Variants in CACNA1S observed in about 807,000 individuals in gnomAD.
The protein encoded by CACNA1S is calcium voltage-gated channel subunit alpha1 S, also known as voltage-dependent L-type calcium channel subunit alpha-1S.
A neutral mutation model predicts 207.4 loss-of-function variants in CACNA1S; 126 were observed. The observed-to-expected ratio is 0.61, with a 90% confidence interval of 0.53 to 0.70. CACNA1S has a LOEUF of 0.70. Among genes scored for constraint, CACNA1S ranks in the 30% least tolerant of loss-of-function variants. The pLI, the probability that CACNA1S is intolerant of heterozygous loss-of-function variation, is 0.00. For synonymous variants in CACNA1S, 960 were observed against 932.7 expected (o/e 1.03, Z -0.53); for missense variants, 2,349 against 2,422.8 (o/e 0.97, Z 0.64).
chr1:201,070,649 AGCCCAAGTAACTTT>A (rs1661413021), intron 16 of CACNA1S, among the ~76,000 whole-genome samples: 2 of 152,296 alleles, frequency 1.3e-5, no homozygotes, highest in East Asian at 3.9e-4. Context: ...GCAAGGAGCA[AGCCCAAGTAACTTT>A]GTGGCTGCAT....
At chr1:201,112,132 C>A in intron 1 of CACNA1S, 56 bp downstream of exon 1, 1 of 1,564,912 alleles carries the variant, frequency 6.4e-7, no homozygotes, top group Non-Finnish European at 8.7e-7. Context: ...GTGATCACCC[C>A]GAATCCCTCC....
Position 201,048,909 on chromosome 1 carries a change from C to T in CACNA1S, c.4338+94G>A, listed in dbSNP as rs1046903527. 7.6e-6 allele frequency: 8 copies of T among 1,058,862 alleles called. 1 individual carries two copies. The highest frequency in any genetic ancestry group is 2.5e-5 in the East Asian group (1 of 39,912). The allele number at this position is 1,058,862 out of a possible 1,614,324, so 65.6% of individuals were successfully genotyped here. On this transcript the variant is annotated intron_variant, in intron 35 of 43. Transcript: ENST00000362061. ...GGGGACCCAGGAGATCCCGGCTCTACAATGCTTCACTCCATCAGGTCCTCA... is the reference window on the plus strand; with the variant it reads ...GGGGACCCAGGAGATCCCGGCTCTATAATGCTTCACTCCATCAGGTCCTCA...
chr1:201,046,152 A>ATATTTATTTATTTATTTATTTAT (rs1553248466), intron 38 of CACNA1S, among the ~76,000 whole-genome samples: 1 of 124,012 alleles, frequency 8.1e-6, no homozygotes, highest in East Asian at 2.4e-4. Context: ...CCAATGGGAC[A>ATATTTATTTATTTATTTATTTAT]TATTTATTTA....
intron 2 of CACNA1S, among the ~76,000 whole-genome samples, chr1:201,099,112 ACTT>A (rs1662546357): frequency 6.6e-6 from 1 of 152,154 alleles, no homozygotes; most frequent in Admixed American, 6.5e-5. Context: ...AGTCCTGAAT[ACTT>A]CTCCTCCCCT....
At chr1:201,092,358 C>A (rs1453101715) in intron 3 of CACNA1S, among the ~76,000 whole-genome samples, 2 of 152,112 alleles carry the variant, frequency 1.3e-5, no homozygotes, top group Admixed American at 1.3e-4. Flanking sequence ...CTTGTGAGGT[C>A]TACTTTGGGT....
Position 201,059,319 on chromosome 1 carries a change from GCAGTGGGT to G in CACNA1S, c.3415-28_3415-21del. 6.4e-7 allele frequency: 1 copy of G among 1,551,094 alleles called. No homozygotes were observed. The highest frequency in any genetic ancestry group is 8.9e-7 in the Non-Finnish European group (1 of 1,123,442). ...GTAGTGCTGTGGAGGGGACACAGGAGCAGTGGGTCAGGGGGGCCGGGTTTGCCCACCCT... is the reference window on the plus strand; with the variant it reads ...GTAGTGCTGTGGAGGGGACACAGGAGCAGGGGGGCCGGGTTTGCCCACCCT... On this transcript the variant is annotated intron_variant, in intron 26 of 43. Coordinates refer to ENST00000362061, the MANE Select transcript of CACNA1S (RefSeq NM_000069.3).
rs754391663 is a variant in CACNA1S, at chr1:201,053,180, G to A, written c.3861+29C>T. On this transcript the variant is annotated intron_variant, in intron 31 of 43. Transcript: ENST00000362061. The surrounding 1 kb of genome is among the most constrained non-coding windows in gnomAD (Gnocchi z 5.1). Reference sequence around the variant, plus strand: ...CCCCTCTAACTTGGCCAAGATCCATGCTTTGGCCTGGGCCCGCCTGCCTCT... The same window carrying A: ...CCCCTCTAACTTGGCCAAGATCCATACTTTGGCCTGGGCCCGCCTGCCTCT... 4 of 1,613,442 alleles carry A rather than the reference G, an allele frequency of 2.5e-6. No homozygotes were observed. In the African/African-American group the frequency reaches 5.3e-5, roughly 22 times the overall value.
Position 201,091,749 on chromosome 1 carries a change from G to C in CACNA1S, c.585C>G (p.Pro195=). Residue 195 remains proline (P), a synonymous_variant, in exon 5 of 44, where the codon CCC becomes CCG. Coordinates refer to ENST00000362061, the MANE Select transcript of CACNA1S (RefSeq NM_000069.3). The part of the protein sequence containing the change: ...VLNSIFKAML[P]LFHIALLVLF... Reference sequence around the variant, plus strand: ...GGACCAGCAGGGCGATGTGAAAGAGGGGGAGCATGGCCTTGAAGATGGAGT... The same window carrying C: ...GGACCAGCAGGGCGATGTGAAAGAGCGGGAGCATGGCCTTGAAGATGGAGT... 1 of 1,614,118 alleles carries C rather than the reference G, an allele frequency of 6.2e-7. No homozygotes were observed. The highest frequency in any genetic ancestry group is 1.3e-5 in the African/African-American group (1 of 75,058).
At chr1:201,065,802 C>T (rs373894537) in intron 22 of CACNA1S, 36 bp downstream of exon 22, 385 of 1,453,370 alleles carry the variant, frequency 2.6e-4, no homozygotes, top group African/African-American at 4.3e-4. Flanking sequence ...GGGCTGGGAG[C>T]GGGAGGGGGA....
Position 201,043,529 on chromosome 1 carries a change from C to T in CACNA1S, c.4800G>A (p.Arg1600=), listed in dbSNP as rs1198953597. The T allele has an allele frequency of 5.0e-6, 8 of 1,613,812 alleles. No individual in the cohort carries two copies. Among genetic ancestry groups the T allele is most frequent in the African/African-American group, 2.7e-5 (2 of 74,818 alleles). ...CCACCTGGCCAAACAGGCCTCCAGTCCTCTAGGGGCAAGGAGAAGAGCAGT... is the reference window on the plus strand; with the variant it reads ...CCACCTGGCCAAACAGGCCTCCAGTTCTCTAGGGGCAAGGAGAAGAGCAGT... The part of the protein sequence containing the change: ...EAAMEEGIFR[R]TGGLFGQVDN... The change falls in exon 40 of 44, where the codon AGG becomes AGA. Residue 1600 remains arginine (R), a splice_region_variant and synonymous_variant. Coordinates refer to ENST00000362061, the MANE Select transcript of CACNA1S (RefSeq NM_000069.3).
Position 201,070,202 on chromosome 1 carries a change from G to GT in CACNA1S, c.2360+69dup. 13 of 1,564,654 alleles carry GT rather than the reference G, an allele frequency of 8.3e-6. No individual in the cohort carries two copies. In the South Asian group the frequency reaches 1.2e-4, roughly 15 times the overall value. On this transcript the variant is annotated intron_variant, in intron 17 of 43. Coordinates refer to ENST00000362061, the MANE Select transcript of CACNA1S (RefSeq NM_000069.3). ...CTGTAGGCATGGAGAGTCAGACAGG[G>GT]TTTTTTCTAGGGCAGGGAAGCAGAT...
At chr1:201,048,542 TG>T in intron 36 of CACNA1S, 39 bp downstream of exon 36, 2 of 1,472,496 alleles carry the variant, frequency 1.4e-6, no homozygotes, top group Middle Eastern at 1.7e-4. Context: ...AAACAGCCTC[TG>T]GGAGAAAGGA....
chr1:201,062,320 C>T, intron 23 of CACNA1S, 142 bp downstream of exon 23: 1 of 998,316 alleles, frequency 1.0e-6, no homozygotes, highest in Non-Finnish European at 1.6e-6. Context: ...CATCCACCAA[C>T]ACACAGTCCC....
Position 201,050,526 on chromosome 1 carries a change from A to G in CACNA1S, c.4114-10T>C, listed in dbSNP as rs1445858175. 2 of 1,613,912 alleles carry G rather than the reference A, an allele frequency of 1.2e-6. No homozygotes were observed. Among genetic ancestry groups the G allele is most frequent in the Non-Finnish European group, 1.7e-6 (2 of 1,179,910 alleles). ...CAAAGAGGTTGATGACCTGCAAGAG[A>G]AGAACCAAGGGGTCCCAACACAGAA... is the stretch of plus-strand genomic sequence containing the variant. On this transcript the variant is annotated splice_polypyrimidine_tract_variant and intron_variant, in intron 33 of 43. Coordinates refer to ENST00000362061, the MANE Select transcript of CACNA1S (RefSeq NM_000069.3).
intron 29 of CACNA1S, 125 bp downstream of exon 29, chr1:201,054,380 G>A: frequency 1.0e-6 from 1 of 993,978 alleles, no homozygotes; most frequent in Non-Finnish European, 1.6e-6. Context: ...AGCAGGGCCT[G>A]CCCTGGGGAG....
chr1:201,111,248 T>C (rs1341549839), intron 1 of CACNA1S, among the ~76,000 whole-genome samples: 1 of 152,120 alleles, frequency 6.6e-6, no homozygotes, highest in Non-Finnish European at 1.5e-5. Flanking sequence ...CACGTTTCTC[T>C]TGTCCTTCCA....
At chr1:201,110,138 A>G (rs1663041352) in intron 2 of CACNA1S, 26 bp downstream of exon 2, 1 of 1,598,944 alleles carries the variant, frequency 6.3e-7, no homozygotes. Flanking sequence ...GGCTCGCAGG[A>G]AGGGAGATGG....
chr1:201,100,959 G>T (rs886091978), intron 2 of CACNA1S, among the ~76,000 whole-genome samples: 2 of 151,780 alleles, frequency 1.3e-5, no homozygotes, highest in African/African-American at 4.8e-5. Flanking sequence ...AGTAATAGAA[G>T]AATGAATGAA....
chr1:201,091,695 G>T lies in CACNA1S; in HGVS notation c.639C>A (p.Ile213=). 1 of 1,614,214 alleles carries T rather than the reference G, an allele frequency of 6.2e-7. No individual in the cohort carries two copies. Among genetic ancestry groups the T allele is most frequent in the Non-Finnish European group, 8.5e-7 (1 of 1,180,036 alleles). Residue 213 remains isoleucine, a synonymous_variant, in exon 5 of 44, where the codon ATC becomes ATA. Transcript: ENST00000362061. ...VLFMVIIYAI[I]GLELFKGKMH... The stretch of plus-strand genomic sequence containing the variant: ...TCTTGCCCTTGAAGAGCTCCAGCCC[G>T]ATGATGGCATAGATGATGACCATAA...
Sources: allele counts gnomAD v4.1 joint callset (sites outside exome capture counted in the v4.1 genomes callset), GRCh38; gene constraint gnomAD v4.1.1; non-coding constraint Gnocchi (gnomAD v3.1); transcripts MANE v1.5; gene names NCBI Gene and HGNC (gene_info 2026-07-23, HGNC 2026-07-21).